The following GET3 variants were observed in gnomAD, a reference collection of about 807,000 sequenced individuals.
GET3 encodes the protein guided entry of tail-anchored proteins factor 3, ATPase.
In GET3, 15 loss-of-function variants were observed where a neutral mutation model predicts 32.4. The observed-to-expected ratio is 0.46, with a 90% confidence interval of 0.31 to 0.71. GET3 has a LOEUF of 0.71. Among genes scored for constraint, GET3 ranks in the 30% least tolerant of loss-of-function variants. The pLI is 0.05. For synonymous variants in GET3, 198 were observed against 185.6 expected (o/e 1.07, Z -0.54); for missense variants, 333 against 459.0 (o/e 0.73, Z 2.51).
chr19:12,737,235 G>A (rs1438885371), upstream of GET3: 3 of 337,900 alleles, frequency 8.9e-6, no homozygotes, highest in Non-Finnish European at 1.6e-5. Flanking sequence ...AGAGCTGCAA[G>A]ACCTAGGGCC....
Position 12,737,550 on chromosome 19 carries a change from C to T in GET3, c.45C>T (p.Phe15=), listed in dbSNP as rs57065607. The change falls in exon 1 of 7, where the codon TTC becomes TTT. Residue 15 remains phenylalanine, a synonymous_variant. Transcript: ENST00000357332. ...VAGWGVEAEE[F]EDAPDVEPLE... ...GGTGGGGGGTTGAGGCAGAGGAGTT[C>T]GAAGATGCTCCTGATGTGGAGCCGC... is the stretch of plus-strand genomic sequence containing the variant. 1,096 of 1,600,000 alleles carry T rather than the reference C, an allele frequency of 6.8e-4. 15 individuals carry two copies. In the African/African-American group the frequency reaches 0.013, roughly 18 times the overall value.
chr19:12,747,452 G>C lies in GET3; in HGVS notation c.775G>C (p.Glu259Gln). The stretch of plus-strand genomic sequence containing the variant: ...TGAGTTCCTGTCCCTGTATGAGACA[G>C]AGAGGCTGATCCAGGAGCTGGCCAA... ...IAEFLSLYET[E>Q]RLIQELAKCK... The change falls in exon 6 of 7, where the codon GAG (glutamate) becomes CAG (glutamine). Residue 259 changes from glutamate (E) to glutamine (Q), a missense_variant. Glu to Gln is a conservative substitution (Grantham distance 29). Around this residue, in one of 3 missense-constraint regions of GET3, gnomAD observed 230 missense variants for 389.2 expected, o/e 0.59. Transcript: ENST00000357332. The surrounding 1 kb of genome is among the most constrained non-coding windows in gnomAD (Gnocchi z 4.0). 1 of 1,614,110 alleles carries C rather than the reference G, an allele frequency of 6.2e-7. No homozygotes were observed. Among genetic ancestry groups the C allele is most frequent in the Non-Finnish European group, 8.5e-7 (1 of 1,180,020 alleles).
chr19:12,744,972 C>T (rs1367705746), intron 2 of GET3, among the ~76,000 whole-genome samples: 4 of 151,966 alleles, frequency 2.6e-5, no homozygotes, highest in Admixed American at 2.0e-4. Flanking sequence ...GTCGGTGGAT[C>T]TGTGCTGTTA....
At position 12,747,261 on chromosome 19, in the gene GET3, C is replaced by T. The variant is rs779152850; in HGVS notation, c.674C>T (p.Thr225Met). 13 of 1,611,960 alleles carry T rather than the reference C, an allele frequency of 8.1e-6. No homozygotes were observed. Among genetic ancestry groups the T allele is most frequent in the African/African-American group, 2.7e-5 (2 of 74,866 alleles). ...CAGCTGGCCTCCAAGCTGGAGGAGA[C>T]GCTGCCCGTCATCCGCTCAGTCAGC... ...ADQLASKLEETLPVIRSVSEQ... is the reference protein window; with the variant it reads ...ADQLASKLEEMLPVIRSVSEQ... The change falls in exon 5 of 7, where the codon ACG becomes ATG. Residue 225 changes from threonine to methionine, a missense_variant. Transcript: ENST00000357332. The surrounding 1 kb of genome is among the most constrained non-coding windows in gnomAD (Gnocchi z 4.0).
At position 12,747,255 on chromosome 19, in the gene GET3, A is replaced by G; in HGVS notation, c.668A>G (p.Glu223Gly). The part of the protein sequence containing the change: ...MNADQLASKL[E>G]ETLPVIRSVS... ...GCAGACCAGCTGGCCTCCAAGCTGGAGGAGACGCTGCCCGTCATCCGCTCA... is the reference window on the plus strand; with the variant it reads ...GCAGACCAGCTGGCCTCCAAGCTGGGGGAGACGCTGCCCGTCATCCGCTCA... Residue 223 changes from glutamate to glycine, a missense_variant, in exon 5 of 7, where the codon GAG (glutamate) becomes GGG (glycine). Coordinates refer to ENST00000357332, the MANE Select transcript of GET3 (RefSeq NM_004317.4). This position sits in a 1 kb window ranked among gnomAD's most constrained non-coding sequence, Gnocchi z 4.0. 1 of 1,612,270 alleles carries G rather than the reference A, an allele frequency of 6.2e-7. No homozygotes were observed. Among genetic ancestry groups the G allele is most frequent in the Non-Finnish European group, 8.5e-7 (1 of 1,178,974 alleles).
chr19:12,745,781 C>G lies in GET3; in HGVS notation c.609+22C>G. ...ACAGGCAGGCGGCGGGGGCCCCCAC[C>G]TGCACCATCCAGGCAGCCGGGAGTG... is the stretch of plus-strand genomic sequence containing the variant. On this transcript the variant is annotated intron_variant, in intron 4 of 6. Coordinates refer to ENST00000357332, the MANE Select transcript of GET3 (RefSeq NM_004317.4). This position sits in a 1 kb window ranked among gnomAD's most constrained non-coding sequence, Gnocchi z 5.0. The G allele has an allele frequency of 6.3e-7, 1 of 1,583,558 alleles. No individual in the cohort carries two copies. Among genetic ancestry groups the G allele is most frequent in the Non-Finnish European group, 8.6e-7 (1 of 1,166,170 alleles).
intron 2 of GET3, among the ~76,000 whole-genome samples, chr19:12,740,594 G>A (rs557847169): frequency 1.3e-5 from 2 of 152,056 alleles, no homozygotes; most frequent in African/African-American, 2.4e-5. Context: ...GGAGAATGGC[G>A]TGAACGCGGG....
At chr19:12,742,679 G>A (rs1967692684) in intron 2 of GET3, among the ~76,000 whole-genome samples, 2 of 152,018 alleles carry the variant, frequency 1.3e-5, no homozygotes, top group Non-Finnish European at 2.9e-5. Flanking sequence ...CTCCCAAAGT[G>A]CTGGGATTAC....
Position 12,748,107 on chromosome 19 carries a change from C to G in GET3, c.*3C>G. On this transcript the variant is annotated 3_prime_UTR_variant, in exon 7 of 7. Coordinates refer to ENST00000357332, the MANE Select transcript of GET3 (RefSeq NM_004317.4). The stretch of plus-strand genomic sequence containing the variant: ...ACAAGCCCCCCAGTGCCCAGTAGCA[C>G]AGCTGCCAGCCCCAACCGCTGCCAT... The G allele has an allele frequency of 6.3e-7, 1 of 1,581,402 alleles. No homozygotes were observed. Among genetic ancestry groups the G allele is most frequent in the Non-Finnish European group, 8.6e-7 (1 of 1,159,036 alleles).
In GET3 at chr19:12,745,896, G is replaced by A. The variant is rs1967763259; in HGVS notation, c.609+137G>A. The A allele has an allele frequency of 8.1e-7, 1 of 1,241,396 alleles. No individual in the cohort carries two copies. 76.9% of individuals were successfully genotyped at this position (1,241,396 alleles called of 1,614,324 possible). ...TCTCACTCTGGACTTCTCCCTGGAG[G>A]GGATGGGACGGAGCTGTCTTTCCTC... On this transcript the variant is annotated intron_variant, in intron 4 of 6. Coordinates refer to ENST00000357332, the MANE Select transcript of GET3 (RefSeq NM_004317.4). The surrounding 1 kb of genome is among the most constrained non-coding windows in gnomAD (Gnocchi z 5.0).
intron 2 of GET3, among the ~76,000 whole-genome samples, chr19:12,741,786 G>C (rs1464275060): frequency 1.3e-5 from 2 of 151,864 alleles, no homozygotes; most frequent in Non-Finnish European, 2.9e-5. Flanking sequence ...TGGGCCTGGT[G>C]GTGGGCGCCT....
rs575748686 is a variant in GET3, at chr19:12,745,025, C to T, written c.310-352C>T. On this transcript the variant is annotated intron_variant, in intron 2 of 6. Transcript: ENST00000357332. The surrounding 1 kb of genome is among the most constrained non-coding windows in gnomAD (Gnocchi z 5.0). The stretch of plus-strand genomic sequence containing the variant: ...GTCTCTCAGTGGAGGGATGATGATC[C>T]GGAAGAGGTCATGGCCCAGTCATGG... Among the ~76,000 whole-genome samples the T allele has an allele frequency of 2.6e-5, 4 of 152,062 alleles. No homozygotes were observed. The highest frequency in any genetic ancestry group is 9.6e-5 in the African/African-American group (4 of 41,488).
At chr19:12,739,215 T>C (rs1160970401) in intron 2 of GET3, among the ~76,000 whole-genome samples, 1 of 152,032 alleles carries the variant, frequency 6.6e-6, no homozygotes, top group South Asian at 2.1e-4. Flanking sequence ...TCTCCCAGGC[T>C]GGAGTGCAGT....
In GET3 at chr19:12,747,287, G is replaced by C; in HGVS notation, c.700G>C (p.Glu234Gln). ...ETLPVIRSVS[E>Q]QFKDPEQTTF... Reference sequence around the variant, plus strand: ...GCTGCCCGTCATCCGCTCAGTCAGCGAACAGTTCAAGGACCCTGTGAGTGG... The same window carrying C: ...GCTGCCCGTCATCCGCTCAGTCAGCCAACAGTTCAAGGACCCTGTGAGTGG... Residue 234 changes from glutamate (E) to glutamine (Q), a missense_variant, in exon 5 of 7, where the codon GAA becomes CAA. Physicochemically the swap from Glu to Gln is conservative, Grantham distance 29. Coordinates refer to ENST00000357332, the MANE Select transcript of GET3 (RefSeq NM_004317.4). This position sits in a 1 kb window ranked among gnomAD's most constrained non-coding sequence, Gnocchi z 4.0. 1 of 1,611,786 alleles carries C rather than the reference G, an allele frequency of 6.2e-7. No individual in the cohort carries two copies. Among genetic ancestry groups the C allele is most frequent in the Non-Finnish European group, 8.5e-7 (1 of 1,178,636 alleles).
At position 12,737,528 on chromosome 19, in the gene GET3, G is replaced by C. The variant is rs138730527; in HGVS notation, c.23G>C (p.Trp8Ser). The change falls in exon 1 of 7, where the codon TGG becomes TCG. Residue 8 changes from tryptophan (W) to serine (S), a missense_variant. Physicochemically the swap from Trp to Ser is radical, Grantham distance 177. This residue lies in a region of GET3 where 64 missense variants were observed against 36.7 expected (regional missense o/e 1.74). Coordinates refer to ENST00000357332, the MANE Select transcript of GET3 (RefSeq NM_004317.4). ...AAAATGGCGGCAGGGGTGGCCGGGT[G>C]GGGGGTTGAGGCAGAGGAGTTCGAA... MAAGVAG[W>S]GVEAEEFEDA... The C allele has an allele frequency of 1.2e-4, 194 of 1,570,532 alleles. No homozygotes were observed. Among genetic ancestry groups the C allele is most frequent in the South Asian group, 4.1e-4 (35 of 85,480 alleles).
In GET3 at chr19:12,741,752, C is replaced by G. The variant is rs1051972065; in HGVS notation, c.309+3094C>G. Among the ~76,000 whole-genome samples, 3 of 150,842 alleles carry G rather than the reference C, an allele frequency of 2.0e-5. No individual in the cohort carries two copies. The East Asian group carries it at 5.9e-4, about 29-fold the overall frequency. ...CCAGCCTGGGATACAGAGCGACACT[C>G]CATCTCAAAAAAAAAAAATTAGTTG... On this transcript the variant is annotated intron_variant, in intron 2 of 6. Coordinates refer to ENST00000357332, the MANE Select transcript of GET3 (RefSeq NM_004317.4).
chr19:12,747,075 T>G lies in GET3; in HGVS notation c.610-122T>G. The G allele has an allele frequency of 1.5e-6, 1 of 680,058 alleles. No homozygotes were observed. The highest frequency in any genetic ancestry group is 2.5e-6 in the Non-Finnish European group (1 of 407,198). 42.1% of individuals were successfully genotyped at this position (680,058 alleles called of 1,614,324 possible). On this transcript the variant is annotated intron_variant, in intron 4 of 6. Coordinates refer to ENST00000357332, the MANE Select transcript of GET3 (RefSeq NM_004317.4). This position sits in a 1 kb window ranked among gnomAD's most constrained non-coding sequence, Gnocchi z 4.0. ...TATTTGACCAACCCCAGGAATCTGCTTATGGGCCTGAGCCTTTAACCACTG... is the reference window on the plus strand; with the variant it reads ...TATTTGACCAACCCCAGGAATCTGCGTATGGGCCTGAGCCTTTAACCACTG...
At chr19:12,739,912 G>A (rs765270281) in intron 2 of GET3, among the ~76,000 whole-genome samples, 31 of 152,158 alleles carry the variant, frequency 2.0e-4, no homozygotes, top group Middle Eastern at 3.4e-3. Context: ...TGGGCATGGT[G>A]GCAGGTGCCT....
At chr19:12,743,333 TGG>T (rs1472338969) in intron 2 of GET3, among the ~76,000 whole-genome samples, 2 of 151,060 alleles carry the variant, frequency 1.3e-5, no homozygotes, top group Non-Finnish European at 2.9e-5. Flanking sequence ...CAAAATTAGC[TGG>T]GGTGGTGGCG....
Sources: allele counts gnomAD v4.1 joint callset (sites outside exome capture counted in the v4.1 genomes callset), GRCh38; gene constraint gnomAD v4.1.1; regional missense constraint gnomAD v4.1.1; non-coding constraint Gnocchi (gnomAD v3.1); transcripts MANE v1.5; gene names NCBI Gene and HGNC (gene_info 2026-07-23, HGNC 2026-07-21).